The following BRD2 variants were observed in gnomAD, a reference collection of about 807,000 sequenced individuals.
The protein encoded by BRD2 is bromodomain containing 2.
Under a neutral mutation model 79.1 loss-of-function variants are expected in BRD2, and 15 were observed. The observed-to-expected ratio is 0.19, with a 90% CI of 0.13 to 0.29. The LOEUF is 0.29. BRD2 is among the 10% of genes least tolerant of loss of function. The pLI is 1.00. For missense variants in BRD2, 1,053 were observed against 991.3 expected, an observed-to-expected ratio of 1.06 and a Z score of -0.84; for synonymous variants, 488 against 358.6, an observed-to-expected ratio of 1.36 and a Z score of -4.08.
rs148978000 is a variant in BRD2 at position 32,976,444 on chromosome 6, C to G, written c.805C>G (p.Pro269Ala). The G allele has an allele frequency of 6.2e-7, 1 of 1,610,482 alleles. No homozygotes were observed. The highest frequency in any genetic ancestry group is 2.2e-5 in the East Asian group (1 of 44,890). The change falls in exon 6 of 13, where the codon CCA (proline) becomes GCA (alanine). Residue 269 changes from proline (P) to alanine (A), a missense_variant. Pro to Ala is a conservative substitution (Grantham distance 27). This residue lies in a region of BRD2 where 413 missense variants were observed against 335.1 expected (regional missense o/e 1.23). Coordinates refer to ENST00000374825, the MANE Select transcript of BRD2 (RefSeq NM_005104.4). ...GCTCCTTGCTGTTACTGCAGCTCCT[C>G]CAGCCCAGCCCCTTGCCAAGGTATG... ...PPLLAVTAAP[P>A]AQPLAKKKGV...
intron 12 of BRD2, 58 bp from the exon 13 acceptor site, chr6:32,980,524 T>G (rs907935288): frequency 8.1e-6 from 13 of 1,612,298 alleles, no homozygotes; most frequent in Non-Finnish European, 1.0e-5. Context: ...TGACTGTCTT[T>G]TATTGACAAA....
rs376596270 is a variant in BRD2, at chr6:32,977,604, G to A, written c.1329+34G>A. On this transcript the variant is annotated intron_variant, in intron 8 of 12. Coordinates refer to ENST00000374825, the MANE Select transcript of BRD2 (RefSeq NM_005104.4). ...AAAGGTTGGAGTTTGAAAAATAAAT[G>A]GTATGGGGAGTTATTTTGTCATGTG... 3.2e-5 allele frequency: 52 copies of A among 1,611,308 alleles called. No individual in the cohort carries two copies. The African/African-American group carries it at 3.9e-4, about 12-fold the overall frequency.
At chr6:32,973,297 T>G (rs893606012) in intron 2 of BRD2, among the ~76,000 whole-genome samples, 1 of 152,040 alleles carries the variant, frequency 6.6e-6, no homozygotes, top group South Asian at 2.1e-4. Flanking sequence ...CACGGACACC[T>G]CTAGCGCCCT....
chr6:32,980,835 C>T lies in BRD2; in HGVS notation c.*117C>T. ...TTCTTCATCTCACCCCCCCCCGCCC[C>T]CCTCTAGGAGAGCTGGCTCTGCAGT... On this transcript the variant is annotated 3_prime_UTR_variant, in exon 13 of 13. Coordinates refer to ENST00000374825, the MANE Select transcript of BRD2 (RefSeq NM_005104.4). The T allele has an allele frequency of 1.6e-6, 2 of 1,270,026 alleles. No homozygotes were observed. The highest frequency in any genetic ancestry group is 2.2e-6 in the Non-Finnish European group (2 of 909,634). The allele number at this position is 1,270,026 out of a possible 1,614,324, so 78.7% of individuals were successfully genotyped here. A position where few individuals can be genotyped will look rare whatever the true frequency, so the allele number is the denominator to read the frequency against.
chr6:32,976,912 C>T lies in BRD2; in HGVS notation c.1176C>T (p.His392=), dbSNP rs1440421609. Residue 392 remains histidine, a synonymous_variant, in exon 7 of 13, where the codon CAC becomes CAT. Transcript: ENST00000374825. ...ATGACTACCATGACATCATTAAGCA[C>T]CCCATGGACCTCAGCACTGTCAAGG... The part of the protein sequence containing the change: ...GLHDYHDIIK[H]PMDLSTVKRK... 3.1e-6 allele frequency: 5 copies of T among 1,612,092 alleles called. No individual in the cohort carries two copies. In the South Asian group the frequency reaches 3.3e-5, roughly 11 times the overall value.
At chr6:32,978,067 TTTC>T (rs148462860) in intron 9 of BRD2, 56 bp from the exon 10 acceptor site, 48,769 of 1,588,500 alleles carry the variant, frequency 0.031, 842 homozygotes, top group South Asian at 0.044. Context: ...GTCCTCATTT[TTTC>T]TTCTTGTTAT....
chr6:32,980,480 C>T lies in BRD2; in HGVS notation c.2269+16C>T. The stretch of plus-strand genomic sequence containing the variant: ...CCCAAGAAAGGTGAGTATATACTTT[C>T]ATGCCACTACAGATTGACTCCATCC... On this transcript the variant is annotated intron_variant, in intron 12 of 12. Coordinates refer to ENST00000374825, the MANE Select transcript of BRD2 (RefSeq NM_005104.4). 2 of 1,612,946 alleles carry T rather than the reference C, an allele frequency of 1.2e-6. No individual in the cohort carries two copies. The highest frequency in any genetic ancestry group is 2.2e-5 in the South Asian group (2 of 91,082).
Position 32,980,145 on chromosome 6 carries a change from TGAG to T in BRD2, c.2146+15_2146+17del, listed in dbSNP as rs1779329401. On this transcript the variant is annotated intron_variant, in intron 11 of 12. Coordinates refer to ENST00000374825, the MANE Select transcript of BRD2 (RefSeq NM_005104.4). Reference sequence around the variant, plus strand: ...CGGAAGCCCTACAGTACGTATGAAATGAGGTTCATCTCATGGTTCTGAGGACAG... The same window carrying T: ...CGGAAGCCCTACAGTACGTATGAAATGTTCATCTCATGGTTCTGAGGACAG... 6.2e-7 allele frequency: 1 copy of T among 1,606,998 alleles called. No individual in the cohort carries two copies. The highest frequency in any genetic ancestry group is 1.3e-5 in the African/African-American group (1 of 74,596).
In BRD2 at chr6:32,973,662, C is replaced by T. The variant is rs146698850; in HGVS notation, c.29+735C>T. On this transcript the variant is annotated intron_variant, in intron 2 of 12. Coordinates refer to ENST00000374825, the MANE Select transcript of BRD2 (RefSeq NM_005104.4). ...ATGAACCACTGTTAGCGTTTGGTGTCCGGAGTTGGTGCTACAGGGGGAACT... is the reference window on the plus strand; with the variant it reads ...ATGAACCACTGTTAGCGTTTGGTGTTCGGAGTTGGTGCTACAGGGGGAACT... Among the ~76,000 whole-genome samples the T allele has an allele frequency of 4.6e-5, 7 of 152,084 alleles. 1 individual carries two copies. The East Asian group carries it at 1.4e-3, about 29-fold the overall frequency.
chr6:32,979,459 C>T, intron 10 of BRD2: 1 of 258,728 alleles, frequency 3.9e-6, no homozygotes, highest in Non-Finnish European at 7.4e-6. Flanking sequence ...TTTTATTGTG[C>T]TTCACTTTAC....
chr6:32,976,597 C>T lies in BRD2; in HGVS notation c.861C>T (p.Thr287=), dbSNP rs765478019. 3.2e-5 allele frequency: 51 copies of T among 1,608,420 alleles called. No homozygotes were observed. In the Middle Eastern group the frequency reaches 1.2e-3, roughly 36 times the overall value. The change falls in exon 7 of 13, where the codon ACC becomes ACT. Residue 287 remains threonine (T), a synonymous_variant. Coordinates refer to ENST00000374825, the MANE Select transcript of BRD2 (RefSeq NM_005104.4). The part of the protein sequence containing the change: ...KGVKRKADTT[T]PTPTAILAPG... ...TAAAGCGGAAAGCAGATACTACCAC[C>T]CCTACACCTACAGCCATCTTGGCTC...
chr6:32,973,594 G>A (rs1240464880), intron 2 of BRD2, among the ~76,000 whole-genome samples: 3 of 152,144 alleles, frequency 2.0e-5, no homozygotes, highest in Non-Finnish European at 2.9e-5. Context: ...TAATTCTTAG[G>A]TGGTAGGAAA....
chr6:32,973,029 C>T (rs540756581), intron 2 of BRD2, 102 bp downstream of exon 2: 17 of 1,611,984 alleles, frequency 1.1e-5, no homozygotes, highest in East Asian at 2.2e-5. Context: ...CGGCGCGCTG[C>T]TGTTGCGGCG....
chr6:32,978,460 A>G, intron 10 of BRD2, 72 bp downstream of exon 10: 2 of 1,554,538 alleles, frequency 1.3e-6, no homozygotes, highest in Non-Finnish European at 1.7e-6. Flanking sequence ...CTCTCTTTGC[A>G]AAGATAATTC....
chr6:32,974,377 G>A, intron 2 of BRD2, 85 bp from the exon 3 acceptor site: 1 of 1,396,918 alleles, frequency 7.2e-7, no homozygotes, highest in Non-Finnish European at 9.8e-7. Flanking sequence ...ACTAGGGCCA[G>A]CACCTGGATT....
At position 32,980,674 on chromosome 6, in the gene BRD2, T is replaced by C. The variant is rs1029981451; in HGVS notation, c.2362T>C (p.Ser788Pro). The change falls in exon 13 of 13, where the codon TCC becomes CCC. Residue 788 changes from serine to proline, a missense_variant. Physicochemically the swap from Ser to Pro is moderately conservative, Grantham distance 74. This residue lies in a region of BRD2 where 139 missense variants were observed against 133.2 expected (regional missense o/e 1.04). Transcript: ENST00000374825. ...SSSSDSSSSS[S>P]SSSSSDTSDS... The stretch of plus-strand genomic sequence containing the variant: ...CAGCTCAGATTCCAGCTCCTCCTCT[T>C]CCTCGTCGTCGTCTTCAGACACCAG... The C allele has an allele frequency of 7.4e-6, 12 of 1,612,996 alleles. No individual in the cohort carries two copies. The highest frequency in any genetic ancestry group is 1.0e-5 in the Non-Finnish European group (12 of 1,180,040).
rs1778458156 is a variant in BRD2 at position 32,974,540 on chromosome 6, C to T, written c.108C>T (p.Pro36=). The T allele has an allele frequency of 1.9e-6, 3 of 1,614,186 alleles. No individual in the cohort carries two copies. Among genetic ancestry groups the T allele is most frequent in the South Asian group, 1.1e-5 (1 of 91,086 alleles). ...CACCAGGGAAGAGGATTCGAAAACCCTCTCTCTTGTATGAGGGCTTTGAGA... is the reference window on the plus strand; with the variant it reads ...CACCAGGGAAGAGGATTCGAAAACCTTCTCTCTTGTATGAGGGCTTTGAGA... The part of the protein sequence containing the change: ...AAAPGKRIRK[P]SLLYEGFESP... Residue 36 remains proline (P), a synonymous_variant, in exon 3 of 13, where the codon CCC becomes CCT. Transcript: ENST00000374825.
intron 1 of BRD2, among the ~76,000 whole-genome samples, chr6:32,969,815 C>T (rs1196484027): frequency 6.6e-6 from 1 of 152,158 alleles, no homozygotes; most frequent in Non-Finnish European, 1.5e-5. Flanking sequence ...GGCTCGGGAC[C>T]TGGAATGATT....
At chr6:32,975,354 G>A (rs1778598515) in intron 3 of BRD2, 30 bp from the exon 4 acceptor site, 1 of 1,568,206 alleles carries the variant, frequency 6.4e-7, no homozygotes, top group Non-Finnish European at 8.7e-7. Flanking sequence ...TTATTTTTCT[G>A]TGGTTCTGAC....
Sources: allele counts gnomAD v4.1 joint callset (sites outside exome capture counted in the v4.1 genomes callset), GRCh38; gene constraint gnomAD v4.1.1; regional missense constraint gnomAD v4.1.1; transcripts MANE v1.5; gene names NCBI Gene and HGNC (gene_info 2026-07-23, HGNC 2026-07-21).